The following SEMA3D variants were observed in gnomAD, a reference collection of about 807,000 sequenced individuals.
SEMA3D encodes semaphorin-3D.
A neutral mutation model predicts 100.1 loss-of-function variants in SEMA3D; 84 were observed. The observed-to-expected ratio is 0.84, with a 90% CI of 0.70 to 1.01. The LOEUF is 1.01. Among genes scored for constraint, SEMA3D ranks in the 50% least tolerant of loss-of-function variants. The probability of loss-of-function intolerance (pLI) is 0.00; values close to 1 mark genes in which losing one functional copy is unlikely to be tolerated. For synonymous variants in SEMA3D, 312 were observed against 320.7 expected (o/e 0.97, Z 0.29); for missense variants, 875 against 934.1 (o/e 0.94, Z 0.82).
chr7:85,213,115 G>C, the SEMA3D span, among the ~76,000 whole-genome samples: 2 of 151,944 alleles, frequency 1.3e-5, no homozygotes, highest in African/African-American at 4.8e-5. Flanking sequence ...GCAATGTATA[G>C]TGCTGATTTT....
At chr7:85,210,930 A>G in the SEMA3D span, among the ~76,000 whole-genome samples, 2 of 152,060 alleles carry the variant, frequency 1.3e-5, no homozygotes, top group East Asian at 3.9e-4. Flanking sequence ...TGTATCAAAT[A>G]TACTTTGAAA....
chr7:85,205,591 TCA>T, the SEMA3D span, among the ~76,000 whole-genome samples: 55 of 152,236 alleles, frequency 3.6e-4, no homozygotes, highest in South Asian at 9.5e-3. Flanking sequence ...TAAGAAGTGT[TCA>T]GTCTCTTGGA....
intron 6 of SEMA3D, 66 bp from the exon 7 acceptor site, chr7:85,068,350 G>T: frequency 2.4e-6 from 2 of 842,880 alleles, no homozygotes; most frequent in Non-Finnish European, 4.0e-6. Context: ...GAATGTGGGA[G>T]ATACAAACTA....
At chr7:85,154,779 C>T (rs553290974) in intron 1 of SEMA3D, among the ~76,000 whole-genome samples, 1 of 151,900 alleles carries the variant, frequency 6.6e-6, no homozygotes, top group South Asian at 2.1e-4. Context: ...CTAGGTTGGC[C>T]CTAAATAATA....
chr7:85,032,903 A>T (rs560060876), intron 12 of SEMA3D, among the ~76,000 whole-genome samples: 1 of 152,068 alleles, frequency 6.6e-6, no homozygotes. Context: ...TTCTGTCTCT[A>T]TTACTGATTA....
intron 9 of SEMA3D, among the ~76,000 whole-genome samples, chr7:85,052,131 ATCTCTTGAACT>A (rs1791182588): frequency 6.6e-6 from 1 of 151,986 alleles, no homozygotes; most frequent in Non-Finnish European, 1.5e-5. Context: ...TATCTGAACT[ATCTCTTGAACT>A]TACTCTTAGT....
At chr7:85,149,152 AAGTAACACTTGGCC>A (rs1790295062) in intron 2 of SEMA3D, among the ~76,000 whole-genome samples, 1 of 152,098 alleles carries the variant, frequency 6.6e-6, no homozygotes, top group Non-Finnish European at 1.5e-5. Flanking sequence ...AAAAATACAA[AAGTAACACTTGGCC>A]AGGCGTGGTG....
At chr7:85,043,163 G>A (rs985346174) in intron 9 of SEMA3D, among the ~76,000 whole-genome samples, 4 of 152,060 alleles carry the variant, frequency 2.6e-5, no homozygotes, top group Non-Finnish European at 5.9e-5. Flanking sequence ...TTCGAGACCA[G>A]TATGGTCAAC....
intron 3 of SEMA3D, among the ~76,000 whole-genome samples, chr7:85,117,808 G>T (rs74818926): frequency 8.3e-6 from 1 of 120,672 alleles, no homozygotes. Context: ...ATGTATGTAT[G>T]TATCTATCTA....
intron 9 of SEMA3D, among the ~76,000 whole-genome samples, chr7:85,051,155 T>A (rs985695663): frequency 2.6e-5 from 4 of 151,820 alleles, no homozygotes; most frequent in African/African-American, 9.7e-5. Flanking sequence ...AAGCCTTACA[T>A]TTGCTTGGTA....
chr7:85,122,719 G>T (rs376083103), intron 2 of SEMA3D, among the ~76,000 whole-genome samples: 3 of 152,076 alleles, frequency 2.0e-5, no homozygotes, highest in East Asian at 3.9e-4. Context: ...TTAGGTCAGG[G>T]CCCCAGTATA....
At chr7:85,194,040 G>A in the SEMA3D span, among the ~76,000 whole-genome samples, 1 of 152,120 alleles carries the variant, frequency 6.6e-6, no homozygotes, top group Non-Finnish European at 1.5e-5. Flanking sequence ...ATTAATTTTT[G>A]TAGATAAGCT....
chr7:85,108,775 A>G lies in SEMA3D; in HGVS notation c.152-10810T>C, dbSNP rs767819107. On this transcript the variant is annotated intron_variant, in intron 3 of 18. Transcript: ENST00000284136. Reference sequence around the variant, plus strand: ...TGGCCACAGTATTTTTTTCTGTTACAATTCTAAATTGGTCAAATTTGTACA... The same window carrying G: ...TGGCCACAGTATTTTTTTCTGTTACGATTCTAAATTGGTCAAATTTGTACA... Among the ~76,000 whole-genome samples the G allele has an allele frequency of 5.9e-5, 9 of 152,064 alleles. No individual in the cohort carries two copies. In the South Asian group the frequency reaches 1.5e-3, roughly 25 times the overall value.
intron 12 of SEMA3D, chr7:85,029,459 A>G: frequency 1.4e-6 from 1 of 736,734 alleles, no homozygotes; most frequent in South Asian, 1.4e-5. Context: ...GAGCACAAAC[A>G]GAAGATTCTT....
intron 17 of SEMA3D, 61 bp downstream of exon 17, chr7:85,012,721 G>C: frequency 8.0e-7 from 1 of 1,249,788 alleles, no homozygotes; most frequent in South Asian, 1.2e-5. Context: ...ATAATAAAAA[G>C]ATACAAAGAG....
intron 3 of SEMA3D, among the ~76,000 whole-genome samples, chr7:85,112,489 AT>A (rs1216039623): frequency 6.6e-6 from 1 of 152,120 alleles, no homozygotes; most frequent in Non-Finnish European, 1.5e-5. Context: ...AAACCTTGTT[AT>A]TTTTTATATC....
At position 85,020,232 on chromosome 7, in the gene SEMA3D, C is replaced by T. The variant is rs1374156752; in HGVS notation, c.1503+1G>A. On this transcript the variant is annotated splice_donor_variant, in intron 14 of 18. Transcript: ENST00000284136. LOFTEE classifies it high-confidence loss of function. ...TCCTGGCACTCTGGACTGAGTCTTA[C>T]CTTGAATATCTGCAACTCCTCCAGC... 3 of 1,601,272 alleles carry T rather than the reference C, an allele frequency of 1.9e-6. No homozygotes were observed. Among genetic ancestry groups the T allele is most frequent in the East Asian group, 2.2e-5 (1 of 44,634 alleles).
intron 3 of SEMA3D, among the ~76,000 whole-genome samples, chr7:85,114,842 C>G (rs1448450008): frequency 1.3e-5 from 2 of 151,948 alleles, no homozygotes; most frequent in African/African-American, 4.8e-5. Flanking sequence ...ACAGAGTTGG[C>G]TCTAAGGCCA....
chr7:85,197,358 C>T, the SEMA3D span, among the ~76,000 whole-genome samples: 77 of 152,162 alleles, frequency 5.1e-4, no homozygotes, highest in Non-Finnish European at 9.3e-4. Flanking sequence ...CAAATCTTAA[C>T]CTGAATGTTT....
Sources: gnomAD v4.1 joint callset for allele counts (sites outside exome capture counted in the v4.1 genomes callset) on GRCh38, gnomAD v4.1.1 for gene constraint, MANE v1.5 for transcripts, NCBI Gene and HGNC (gene_info 2026-07-23, HGNC 2026-07-21) for gene names.